Variants in C4orf51 observed in about 807,000 individuals in gnomAD.
C4orf51 encodes chromosome 4 open reading frame 51, also known as uncharacterized protein C4orf51.
Under a neutral mutation model 25.2 loss-of-function variants are expected in C4orf51, and 25 were observed. The observed-to-expected ratio is 0.99, with a 90% CI of 0.72 to 1.39. The LOEUF (loss-of-function observed/expected upper bound fraction) is 1.39. Ranked by LOEUF, C4orf51 falls within the 40% of genes most tolerant of loss-of-function variation. The pLI, the probability that C4orf51 is intolerant of heterozygous loss-of-function variation, is 0.00. For missense variants in C4orf51, 252 were observed against 239.6 expected (o/e 1.05, Z -0.34); for synonymous variants, 100 against 84.5 (o/e 1.18, Z -1.01).
intron 1 of C4orf51, among the ~76,000 whole-genome samples, chr4:145,747,380 GT>G (rs1733426237): frequency 7.9e-6 from 1 of 127,104 alleles, no homozygotes; most frequent in Non-Finnish European, 1.9e-5. Context: ...TCTGTGCCCA[GT>G]TTTTTGAGGT....
chr4:145,727,899 A>G (rs1262543289), intron 3 of C4orf51, among the ~76,000 whole-genome samples: 57 of 80,026 alleles, frequency 7.1e-4, no homozygotes, highest in South Asian at 2.7e-3. Flanking sequence ...AAATGTGTAT[A>G]TATATATATA....
intron 1 of C4orf51, among the ~76,000 whole-genome samples, chr4:145,742,316 T>C (rs1004270801): frequency 2.6e-5 from 4 of 152,166 alleles, no homozygotes; most frequent in African/African-American, 9.7e-5. Context: ...CAACTCCTCC[T>C]CTTTCTTCTC....
Position 145,685,042 on chromosome 4 carries a change from G to GA in C4orf51, c.233+4612dup, listed in dbSNP as rs1447191628. Among the ~76,000 whole-genome samples the GA allele has an allele frequency of 3.3e-5, 5 of 152,022 alleles. No homozygotes were observed. The East Asian group carries it at 7.7e-4, about 23-fold the overall frequency. On this transcript the variant is annotated intron_variant, in intron 1 of 5. Coordinates refer to ENST00000438731, the MANE Select transcript of C4orf51 (RefSeq NM_001080531.3). Reference sequence around the variant, plus strand: ...AACATACCTCTGTCAGTAACTGATGGAAAAAAGCAAATAATAAAGGCAAAC... The same window carrying GA: ...AACATACCTCTGTCAGTAACTGATGGAAAAAAAGCAAATAATAAAGGCAAAC...
rs398051305 is a variant in C4orf51, at chr4:145,731,564, C to CT, written c.502-856dup. On this transcript the variant is annotated intron_variant, in intron 5 of 5. Coordinates refer to ENST00000438731, the MANE Select transcript of C4orf51 (RefSeq NM_001080531.3). ...TTTTTATTTATGAGACAAGGCAAAT[C>CT]TTTTTTTTTTTTTTTTTTTTTTTTT... Among the ~76,000 whole-genome samples the CT allele has an allele frequency of 3.3e-3, 145 of 43,880 alleles. 8 individuals carry two copies. Among genetic ancestry groups the CT allele is most frequent in the Non-Finnish European group, 5.1e-3 (135 of 26,422 alleles). The allele number at this position is 43,880 out of a possible 152,430, so 28.8% of individuals were successfully genotyped here. A position where few individuals can be genotyped will look rare whatever the true frequency, so the allele number is the denominator to read the frequency against.
chr4:145,778,653 T>C, the C4orf51 span, among the ~76,000 whole-genome samples: 1 of 152,190 alleles, frequency 6.6e-6, no homozygotes, highest in Non-Finnish European at 1.5e-5. Context: ...TTATTAATAC[T>C]TCCTGTCTTG....
At chr4:145,749,725 C>G (rs1392573660) in intron 1 of C4orf51, among the ~76,000 whole-genome samples, 1 of 152,102 alleles carries the variant, frequency 6.6e-6, no homozygotes, top group African/African-American at 2.4e-5. Context: ...CCTCCAACTC[C>G]CGGGTTCACA....
chr4:145,743,246 C>G (rs190698914), intron 1 of C4orf51, among the ~76,000 whole-genome samples: 10 of 152,160 alleles, frequency 6.6e-5, no homozygotes, highest in Admixed American at 4.6e-4. Flanking sequence ...AACAAAATAC[C>G]CGAGACTATA....
downstream of C4orf51, among the ~76,000 whole-genome samples, chr4:145,757,419 T>A (rs1325393305): frequency 6.6e-6 from 1 of 152,180 alleles, no homozygotes; most frequent in African/African-American, 2.4e-5. Context: ...TCAACCTTAA[T>A]GGCCATTAAT....
At chr4:145,692,099 G>A (rs767930763) in intron 1 of C4orf51, among the ~76,000 whole-genome samples, 3 of 152,176 alleles carry the variant, frequency 2.0e-5, no homozygotes, top group East Asian at 3.8e-4. Flanking sequence ...TCACATGTAC[G>A]TGGAGAGACA....
chr4:145,781,215 A>G, the C4orf51 span, among the ~76,000 whole-genome samples: 2 of 127,624 alleles, frequency 1.6e-5, no homozygotes, highest in East Asian at 2.0e-4. Flanking sequence ...AAAAAAAAAA[A>G]AAGAAAAAAA....
chr4:145,692,182 T>C (rs1053849515), intron 1 of C4orf51, among the ~76,000 whole-genome samples: 1 of 152,238 alleles, frequency 6.6e-6, no homozygotes, highest in Non-Finnish European at 1.5e-5. Flanking sequence ...GTAGAATAAG[T>C]ACTATTCATT....
intron 1 of C4orf51, among the ~76,000 whole-genome samples, chr4:145,764,098 T>C (rs1333853092): frequency 6.7e-6 from 1 of 150,202 alleles, no homozygotes; most frequent in Non-Finnish European, 1.5e-5. Context: ...AAACAAAAGG[T>C]TTTTTCCCCC....
chr4:145,770,893 G>A (rs1736182741), intron 1 of C4orf51: 1 of 152,134 alleles, frequency 6.6e-6, no homozygotes, highest in Non-Finnish European at 1.5e-5. Context: ...AGTTTCCAAG[G>A]AGTTTTACAA....
the C4orf51 span, among the ~76,000 whole-genome samples, chr4:145,786,945 G>A: frequency 6.6e-6 from 1 of 152,166 alleles, no homozygotes; most frequent in Non-Finnish European, 1.5e-5. Flanking sequence ...CAGATGGCTG[G>A]CACTGGTGAC....
intron 1 of C4orf51, among the ~76,000 whole-genome samples, chr4:145,749,773 A>G (rs1733570118): frequency 6.6e-6 from 1 of 152,020 alleles, no homozygotes; most frequent in Non-Finnish European, 1.5e-5. Flanking sequence ...AGCTGGAACT[A>G]CAGGTGTCCA....
chr4:145,707,797 T>C (rs1390058812), intron 2 of C4orf51, among the ~76,000 whole-genome samples: 1 of 151,988 alleles, frequency 6.6e-6, no homozygotes, highest in Admixed American at 6.6e-5. Context: ...TAGCACAGAG[T>C]AGGCAGCTCC....
intron 1 of C4orf51, among the ~76,000 whole-genome samples, chr4:145,769,870 T>C (rs1317975261): frequency 1.3e-5 from 2 of 152,148 alleles, no homozygotes; most frequent in Non-Finnish European, 2.9e-5. Context: ...AATTAGGAAA[T>C]TGAAACCATA....
downstream of C4orf51, among the ~76,000 whole-genome samples, chr4:145,773,159 C>T (rs995679653): frequency 6.6e-6 from 1 of 152,162 alleles, no homozygotes; most frequent in Admixed American, 6.5e-5. Flanking sequence ...AGAGTTTGGC[C>T]TTTTCCTCCA....
downstream of C4orf51, among the ~76,000 whole-genome samples, chr4:145,772,358 A>G (rs1460829901): frequency 1.3e-5 from 2 of 152,214 alleles, no homozygotes; most frequent in African/African-American, 4.8e-5. Context: ...TAACTTTGCA[A>G]TAGTCCAACT....
Sources: gnomAD v4.1 joint callset for allele counts (sites outside exome capture counted in the v4.1 genomes callset) on GRCh38, gnomAD v4.1.1 for gene constraint, MANE v1.5 for transcripts, NCBI Gene and HGNC (gene_info 2026-07-23, HGNC 2026-07-21) for gene names.